Variants in EPHA6 observed in about 807,000 individuals in gnomAD.
The protein encoded by EPHA6 is ephrin type-A receptor 6.
A neutral mutation model predicts 112.0 loss-of-function variants in EPHA6; 50 were observed. The observed-to-expected ratio is 0.45, with a 90% CI of 0.36 to 0.56. The LOEUF (loss-of-function observed/expected upper bound fraction) is 0.56. EPHA6 is among the 20% of genes least tolerant of loss of function. The pLI is 0.00. For missense variants in EPHA6, 1,280 were observed against 1,417.4 expected (o/e 0.90, Z 1.56); for synonymous variants, 529 against 490.7 (o/e 1.08, Z -1.03).
chr3:97,239,679 G>A (rs1232932937), intron 4 of EPHA6, among the ~76,000 whole-genome samples: 2 of 151,736 alleles, frequency 1.3e-5, no homozygotes, highest in Admixed American at 1.3e-4. Context: ...AGTAAGCTGA[G>A]GAGGAGGAGA....
At chr3:97,732,029 C>T (rs914214225) in intron 15 of EPHA6, among the ~76,000 whole-genome samples, 4 of 152,016 alleles carry the variant, frequency 2.6e-5, no homozygotes, top group Non-Finnish European at 4.4e-5. Flanking sequence ...CCCCAGTGCA[C>T]TCTCCGCACT....
rs1250632648 is a variant in EPHA6 at position 97,748,634 on chromosome 3, T to C, written c.3326T>C (p.Ile1109Thr). Reference protein sequence around the residue: ...GVILIGHQRRIVSSIQTLRLH... With the variant: ...GVILIGHQRRTVSSIQTLRLH... The stretch of plus-strand genomic sequence containing the variant: ...ATACTTATTGGACACCAGAGACGAA[T>C]AGTCAGCAGCATACAGACTTTACGT... The change falls in exon 18 of 18, where the codon ATA becomes ACA. Residue 1109 changes from isoleucine to threonine, a missense_variant. Physicochemically the swap from Ile to Thr is moderately conservative, Grantham distance 89 (BLOSUM62 -1). Around this residue, in one of 4 missense-constraint regions of EPHA6, gnomAD observed 145 missense variants for 153.3 expected, o/e 0.95. Transcript: ENST00000389672. 5 of 1,612,492 alleles carry C rather than the reference T, an allele frequency of 3.1e-6. No individual in the cohort carries two copies. The African/African-American group carries it at 4.0e-5, about 13-fold the overall frequency.
chr3:97,119,694 A>G (rs2108299848), intron 3 of EPHA6, among the ~76,000 whole-genome samples: 1 of 152,132 alleles, frequency 6.6e-6, no homozygotes, highest in Middle Eastern at 3.4e-3. Context: ...GCCCGTGTAA[A>G]TGGAGTTGTC....
intron 3 of EPHA6, among the ~76,000 whole-genome samples, chr3:97,075,031 G>GA (rs1405378633): frequency 6.6e-6 from 1 of 151,906 alleles, no homozygotes; most frequent in Non-Finnish European, 1.5e-5. Context: ...ATTGTAGGGA[G>GA]AAAAATTGAT....
intron 15 of EPHA6, among the ~76,000 whole-genome samples, chr3:97,730,759 A>G (rs930403405): frequency 1.3e-5 from 2 of 152,136 alleles, no homozygotes; most frequent in East Asian, 3.9e-4. Context: ...AGCTTTCATA[A>G]ATCACATATC....
In EPHA6 at chr3:97,047,170, C is replaced by A. The variant is rs112591357; in HGVS notation, c.1114+59177C>A. 5.3e-3 allele frequency among the ~76,000 whole-genome samples: 809 copies of A among 151,902 alleles called. 6 individuals are homozygous for A. Among genetic ancestry groups the A allele is most frequent in the African/African-American group, 0.018 (730 of 41,452 alleles). On this transcript the variant is annotated intron_variant, in intron 3 of 17. Transcript: ENST00000389672. ...GGATAAGCTATTAAAAAATACTAAA[C>A]ATATTGATTTATTTAATAATAAATT...
At chr3:96,988,610 A>G (rs933713986) in intron 3 of EPHA6, among the ~76,000 whole-genome samples, 3 of 152,202 alleles carry the variant, frequency 2.0e-5, no homozygotes, top group Admixed American at 1.3e-4. Context: ...TCAAAAATGT[A>G]TAAGCTAGTT....
intron 1 of EPHA6, among the ~76,000 whole-genome samples, chr3:96,841,467 CG>C (rs2034744042): frequency 6.6e-6 from 1 of 151,958 alleles, no homozygotes; most frequent in South Asian, 2.1e-4. Context: ...ATTTTCTAGC[CG>C]GCTTTGTGGT....
chr3:96,881,980 C>T (rs575142752), intron 2 of EPHA6, among the ~76,000 whole-genome samples: 1 of 152,282 alleles, frequency 6.6e-6, no homozygotes, highest in African/African-American at 2.4e-5. Flanking sequence ...CAGCTCTGCC[C>T]CTGTGGCTTT....
At chr3:97,125,729 C>T (rs2108313873) in intron 3 of EPHA6, among the ~76,000 whole-genome samples, 1 of 152,166 alleles carries the variant, frequency 6.6e-6, no homozygotes, top group African/African-American at 2.4e-5. Flanking sequence ...TATTTTCAGA[C>T]AATAGTACTC....
chr3:96,943,519 T>C (rs1022866594), intron 2 of EPHA6, among the ~76,000 whole-genome samples: 4 of 152,200 alleles, frequency 2.6e-5, no homozygotes, highest in Non-Finnish European at 4.4e-5. Flanking sequence ...AATATTGAAA[T>C]GCACTGGGGT....
chr3:96,913,069 C>T (rs1325466111), intron 2 of EPHA6, among the ~76,000 whole-genome samples: 1 of 151,358 alleles, frequency 6.6e-6, no homozygotes. Context: ...TGACTCATAC[C>T]TGTAATCACA....
chr3:97,292,173 C>T (rs2080708719), intron 5 of EPHA6, among the ~76,000 whole-genome samples: 1 of 152,250 alleles, frequency 6.6e-6, no homozygotes, highest in Admixed American at 6.5e-5. Flanking sequence ...ACAAGGGGAA[C>T]CTGATGGCAC....
At chr3:96,846,744 G>A (rs917926508) in intron 1 of EPHA6, among the ~76,000 whole-genome samples, 12 of 152,028 alleles carry the variant, frequency 7.9e-5, no homozygotes, top group South Asian at 2.1e-4. Flanking sequence ...ACTATTTGCC[G>A]GAAACCCATG....
At chr3:97,092,085 G>GGTT (rs1414058126) in intron 3 of EPHA6, among the ~76,000 whole-genome samples, 6 of 145,172 alleles carry the variant, frequency 4.1e-5, no homozygotes, top group Admixed American at 2.1e-4. Context: ...TGGTTAACAA[G>GGTT]GTTTTTTTTT....
chr3:97,608,577 A>G (rs978553309), intron 12 of EPHA6, among the ~76,000 whole-genome samples: 20 of 151,372 alleles, frequency 1.3e-4, no homozygotes, highest in African/African-American at 4.8e-4. Context: ...CAACTATGAG[A>G]AATATCACTG....
intron 5 of EPHA6, among the ~76,000 whole-genome samples, chr3:97,288,547 G>A (rs1399518767): frequency 6.6e-6 from 1 of 152,124 alleles, no homozygotes. Context: ...ATGAACATGT[G>A]AGTGCATGTA....
At chr3:97,203,205 T>C (rs1360749675) in intron 3 of EPHA6, among the ~76,000 whole-genome samples, 1 of 152,132 alleles carries the variant, frequency 6.6e-6, no homozygotes, top group Admixed American at 6.6e-5. Flanking sequence ...CTGATCATAG[T>C]GTCAAAATTA....
intron 5 of EPHA6, 37 bp downstream of exon 5, chr3:97,244,324 A>C (rs762996903): frequency 6.3e-7 from 1 of 1,578,352 alleles, no homozygotes; most frequent in South Asian, 1.1e-5. Context: ...ACAGACCCAT[A>C]ATTTCTTTTG....
Sources: gnomAD v4.1 joint callset for allele counts (sites outside exome capture counted in the v4.1 genomes callset) on GRCh38, gnomAD v4.1.1 for gene constraint, gnomAD v4.1.1 regional missense constraint, MANE v1.5 for transcripts, NCBI Gene and HGNC (gene_info 2026-07-23, HGNC 2026-07-21) for gene names.